MAP1A: variants seen among roughly 807,000 people sequenced by gnomAD.
The protein encoded by MAP1A is microtubule associated protein 1A, also known as microtubule-associated protein 1A.
Under a neutral mutation model 185.9 loss-of-function variants are expected in MAP1A, and 42 were observed. The observed-to-expected ratio is 0.23, with a 90% CI of 0.18 to 0.29. The LOEUF (loss-of-function observed/expected upper bound fraction) is 0.29. MAP1A is among the 10% of genes least tolerant of loss of function. The pLI, the probability that MAP1A is intolerant of heterozygous loss-of-function variation, is 1.00. For missense variants in MAP1A, 2,995 were observed against 3,450.4 expected (o/e 0.87, Z 3.31); for synonymous variants, 1,229 against 1,335.9 (o/e 0.92, Z 1.74).
chr15:43,513,188 G>A (rs538105143), upstream of MAP1A, among the ~76,000 whole-genome samples: 3 of 152,214 alleles, frequency 2.0e-5, no homozygotes, highest in South Asian at 2.1e-4. Context: ...CTAGCTGGGC[G>A]TGGTGGTGCA....
rs893806855 is a variant in MAP1A, at chr15:43,523,094, G to A, written c.1621G>A (p.Glu541Lys). 3.7e-6 allele frequency: 6 copies of A among 1,614,088 alleles called. No homozygotes were observed. Among genetic ancestry groups the A allele is most frequent in the Non-Finnish European group, 5.1e-6 (6 of 1,180,050 alleles). Residue 541 changes from glutamate (E) to lysine (K), a missense_variant, in exon 4 of 6, where the codon GAG becomes AAG. This residue lies in a region of MAP1A where 2,728 missense variants were observed against 2,986.0 expected (regional missense o/e 0.91). Coordinates refer to ENST00000300231, the MANE Select transcript of MAP1A (RefSeq NM_002373.6). The stretch of plus-strand genomic sequence containing the variant: ...ACAGGACTTTGAGGAGATGAAGCGT[G>A]AGGAGAGGGCTTTGCTGGCTGAACA... ...LTQDFEEMKR[E>K]ERALLAEQRD... is the part of the protein sequence containing the mutation.
At position 43,527,376 on chromosome 15, in the gene MAP1A, C is replaced by T. The variant is rs1251992628; in HGVS notation, c.5903C>T (p.Ala1968Val). 2 of 1,614,188 alleles carry T rather than the reference C, an allele frequency of 1.2e-6. No homozygotes were observed. The highest frequency in any genetic ancestry group is 1.7e-6 in the Non-Finnish European group (2 of 1,180,020). Residue 1968 changes from alanine to valine, a missense_variant, in exon 4 of 6, where the codon GCA (alanine) becomes GTA (valine). Physicochemically the swap from Ala to Val is moderately conservative, Grantham distance 64 (BLOSUM62 0). Around this residue, in one of 3 missense-constraint regions of MAP1A, gnomAD observed 2,728 missense variants for 2,986.0 expected, o/e 0.91. Transcript: ENST00000300231. ...CCTGATGAGAGAAGCTTTCAGTATG[C>T]AGACATCTATGAGCAGATGATGCTT... ...PYPDERSFQY[A>V]DIYEQMMLTG...
rs532379170 is a variant in MAP1A at position 43,520,047 on chromosome 15, T to C, written c.-374-594T>C. On this transcript the variant is annotated intron_variant, in intron 1 of 5. Transcript: ENST00000300231. ...CAGAAAATGAAGTTATAGTCCTATG[T>C]CCATTCTTTGAATCATAAAACCCCA... is the stretch of plus-strand genomic sequence containing the variant. Among the ~76,000 whole-genome samples the C allele has an allele frequency of 4.6e-5, 7 of 152,314 alleles. No homozygotes were observed. In the South Asian group the frequency reaches 1.2e-3, roughly 27 times the overall value.
rs1223211696 is a variant in MAP1A, at chr15:43,512,277, C to T, written c.326C>T (p.Ser109Phe). 1.9e-6 allele frequency: 3 copies of T among 1,541,684 alleles called. No individual in the cohort carries two copies. In the Admixed American group the frequency reaches 5.9e-5, roughly 30 times the overall value. ...ATTACCCGGCACCTAGCTCACTTCTCCTCAGAGGTCAAAGGTTAGGACTAA... is the reference window on the plus strand; with the variant it reads ...ATTACCCGGCACCTAGCTCACTTCTTCTCAGAGGTCAAAGGTTAGGACTAA... Residue 109 changes from serine (S) to phenylalanine (F), a missense_variant, in exon 2 of 7, where the codon TCC becomes TTC. Coordinates refer to the MAP1A transcript ENST00000382031.
In MAP1A at chr15:43,527,817, G is replaced by A. The variant is rs950160155; in HGVS notation, c.6344G>A (p.Arg2115Gln). The A allele has an allele frequency of 1.3e-5, 21 of 1,613,636 alleles. No homozygotes were observed. The highest frequency in any genetic ancestry group is 1.6e-4 in the Middle Eastern group (1 of 6,084). ...GACTCAGAACTGGAGAAGGGGGCTC[G>A]GGAACAGCCAGAAAAAGAGGCCCAA... is the stretch of plus-strand genomic sequence containing the variant. Reference protein sequence around the residue: ...TSDSELEKGAREQPEKEAQSP... With the variant: ...TSDSELEKGAQEQPEKEAQSP... Residue 2115 changes from arginine to glutamine, a missense_variant, in exon 4 of 6, where the codon CGG becomes CAG. By Grantham distance (43) the Arg-to-Gln change is conservative. Coordinates refer to ENST00000300231, the MANE Select transcript of MAP1A (RefSeq NM_002373.6).
rs1392095955 is a variant in MAP1A, at chr15:43,528,694, C to T, written c.7221C>T (p.Leu2407=). The T allele has an allele frequency of 4.3e-6, 7 of 1,613,628 alleles. No individual in the cohort carries two copies. Among genetic ancestry groups the T allele is most frequent in the Admixed American group, 3.3e-5 (2 of 59,996 alleles). ...GGAGCTCCCGGCCTGACACATTGCT[C>T]TCCCCTGAGCAGCCAGTGTGTCCTG... ...AERSSRPDTL[L]SPEQPVCPAG... The change falls in exon 4 of 6, where the codon CTC becomes CTT. Residue 2407 remains leucine, a synonymous_variant. Transcript: ENST00000300231.
Position 43,529,834 on chromosome 15 carries a change from G to C in MAP1A, c.8220G>C (p.Leu2740=). Residue 2740 remains leucine, a synonymous_variant, in exon 5 of 6, where the codon CTG becomes CTC. Coordinates refer to ENST00000300231, the MANE Select transcript of MAP1A (RefSeq NM_002373.6). The surrounding 1 kb of genome is among the most constrained non-coding windows in gnomAD (Gnocchi z 4.3). Reference sequence around the variant, plus strand: ...CAAGCCGGGCTGTGCTGGATGCCCTGCTGGAGGGCAAGGCCCAGTGGGGGG... The same window carrying C: ...CAAGCCGGGCTGTGCTGGATGCCCTCCTGGAGGGCAAGGCCCAGTGGGGGG... The part of the protein sequence containing the change: ...GEPSRAVLDA[L]LEGKAQWGEN... 6.2e-7 allele frequency: 1 copy of C among 1,613,984 alleles called. No individual in the cohort carries two copies. Among genetic ancestry groups the C allele is most frequent in the Non-Finnish European group, 8.5e-7 (1 of 1,180,042 alleles).
At chr15:43,515,492 G>A (rs772417538), upstream of MAP1A, among the ~76,000 whole-genome samples, 1 of 152,174 alleles carries the variant, frequency 6.6e-6, no homozygotes, top group Non-Finnish European at 1.5e-5. Context: ...AGTTGATCTG[G>A]TCTGAGATCC....
chr15:43,529,506 CAAGT>C lies in MAP1A; in HGVS notation c.8035+4_8035+7del. 1 of 1,603,034 alleles carries C rather than the reference CAAGT, an allele frequency of 6.2e-7. No individual in the cohort carries two copies. Among genetic ancestry groups the C allele is most frequent in the Non-Finnish European group, 8.5e-7 (1 of 1,173,038 alleles). On this transcript the variant is annotated splice_donor_variant and coding_sequence_variant, in exon 4 of 6. Transcript: ENST00000300231. LOFTEE classifies it high-confidence loss of function. This position sits in a 1 kb window ranked among gnomAD's most constrained non-coding sequence, Gnocchi z 4.3. The stretch of plus-strand genomic sequence containing the variant: ...CTAGTCAATGGACTCAAGGCAGGAC[CAAGT>C]AAGTATATCATGAAACTTGGCAGAG...
Position 43,522,651 on chromosome 15 carries a change from G to A in MAP1A, c.1178G>A (p.Arg393Gln), listed in dbSNP as rs751944758. The change falls in exon 4 of 6, where the codon CGA becomes CAA. Residue 393 changes from arginine to glutamine, a missense_variant. By Grantham distance (43) the Arg-to-Gln change is conservative (BLOSUM62 1). Transcript: ENST00000300231. This position sits in a 1 kb window ranked among gnomAD's most constrained non-coding sequence, Gnocchi z 5.9. ...AGTGAGGCACTGAAGGCAGAGAAGCGAAAGCTGATCAAAGACAAGGTAGGG... is the reference window on the plus strand; with the variant it reads ...AGTGAGGCACTGAAGGCAGAGAAGCAAAAGCTGATCAAAGACAAGGTAGGG... The part of the protein sequence containing the change: ...ESSEALKAEK[R>Q]KLIKDKVGKK... 14 of 1,612,366 alleles carry A rather than the reference G, an allele frequency of 8.7e-6. No individual in the cohort carries two copies. The highest frequency in any genetic ancestry group is 3.3e-4 in the Middle Eastern group (2 of 6,082).
chr15:43,521,200 T>C lies in MAP1A; in HGVS notation c.-151+88T>C. On this transcript the variant is annotated intron_variant, in intron 3 of 5. Transcript: ENST00000300231. This position sits in a 1 kb window ranked among gnomAD's most constrained non-coding sequence, Gnocchi z 4.6. ...GGGAAAGTCTCATATTGCATGACCA[T>C]GGGGGGCCCTGGCAGAAAGGTAAGA... 1 of 1,475,302 alleles carries C rather than the reference T, an allele frequency of 6.8e-7. No homozygotes were observed. The highest frequency in any genetic ancestry group is 9.0e-7 in the Non-Finnish European group (1 of 1,116,260). The allele number at this position is 1,475,302 out of a possible 1,614,324, so 91.4% of individuals were successfully genotyped here.
chr15:43,523,518 A>G lies in MAP1A; in HGVS notation c.2045A>G (p.Gln682Arg). The change falls in exon 4 of 6, where the codon CAA (glutamine) becomes CGA (arginine). Residue 682 changes from glutamine to arginine, a missense_variant. Physicochemically the swap from Gln to Arg is conservative, Grantham distance 43. This residue lies in a region of MAP1A where 2,728 missense variants were observed against 2,986.0 expected (regional missense o/e 0.91). Coordinates refer to ENST00000300231, the MANE Select transcript of MAP1A (RefSeq NM_002373.6). ...EDATKAEGFY[Q>R]KHMQEPLKVT... ...GCGACAAAAGCTGAGGGTTTTTACC[A>G]AAAACATATGCAGGAACCCTTGAAG... is the stretch of plus-strand genomic sequence containing the variant. The G allele has an allele frequency of 6.2e-7, 1 of 1,614,140 alleles. No homozygotes were observed. The highest frequency in any genetic ancestry group is 8.5e-7 in the Non-Finnish European group (1 of 1,180,002).
rs1430089153 is a variant in MAP1A, at chr15:43,521,121, C to T, written c.-151+9C>T. The T allele has an allele frequency of 3.9e-6, 6 of 1,543,168 alleles. No homozygotes were observed. The highest frequency in any genetic ancestry group is 2.0e-5 in the Admixed American group (1 of 50,750). ...TCCTTCACAACCCCGAGGTAAGTTC[C>T]ATGCCAGAGTGTCTGGGAGAAAGGG... On this transcript the variant is annotated intron_variant, in intron 3 of 5. Coordinates refer to ENST00000300231, the MANE Select transcript of MAP1A (RefSeq NM_002373.6). The surrounding 1 kb of genome is among the most constrained non-coding windows in gnomAD (Gnocchi z 4.6).
rs758664345 is a variant in MAP1A, at chr15:43,529,415, C to T, written c.7942C>T (p.Arg2648Cys). 29 of 1,613,874 alleles carry T rather than the reference C, an allele frequency of 1.8e-5. No individual in the cohort carries two copies. In the Middle Eastern group the frequency reaches 6.6e-4, roughly 37 times the overall value. ...DRASRAPPRP[R>C]STTSQVTPAE... is the part of the protein sequence containing the mutation. ...AGCATCCCGGGCCCCACCTCGACCA[C>T]GCAGCACCACAAGCCAGGTCACCCC... The change falls in exon 4 of 6, where the codon CGC becomes TGC. Residue 2648 changes from arginine to cysteine, a missense_variant. Transcript: ENST00000300231. This position sits in a 1 kb window ranked among gnomAD's most constrained non-coding sequence, Gnocchi z 4.3.
In MAP1A at chr15:43,528,362, G is replaced by T. The variant is rs761914501; in HGVS notation, c.6889G>T (p.Ala2297Ser). ...GCTGGACCCAGGAATGGAACCAGCTGCCCACAGCCTCTGGGACCTCACTCC... is the reference window on the plus strand; with the variant it reads ...GCTGGACCCAGGAATGGAACCAGCTTCCCACAGCCTCTGGGACCTCACTCC... The part of the protein sequence containing the change: ...GELDPGMEPA[A>S]HSLWDLTPLS... Residue 2297 changes from alanine (A) to serine (S), a missense_variant, in exon 4 of 6, where the codon GCC (alanine) becomes TCC (serine). Around this residue, in one of 3 missense-constraint regions of MAP1A, gnomAD observed 2,728 missense variants for 2,986.0 expected, o/e 0.91. Transcript: ENST00000300231. The T allele has an allele frequency of 1.2e-6, 2 of 1,613,886 alleles. No individual in the cohort carries two copies. Among genetic ancestry groups the T allele is most frequent in the Non-Finnish European group, 1.7e-6 (2 of 1,180,034 alleles).
rs771258942 is a variant in MAP1A, at chr15:43,528,142, C to T, written c.6669C>T (p.Ala2223=). ...RHDEYLEVTK[A]PSLDSSLPQL... ...ATGAATACCTGGAAGTGACCAAGGC[C>T]CCCAGCCTGGATTCCTCACTGCCCC... The change falls in exon 4 of 6, where the codon GCC becomes GCT. Residue 2223 remains alanine, a synonymous_variant. Transcript: ENST00000300231. The T allele has an allele frequency of 5.0e-6, 8 of 1,614,108 alleles. No individual in the cohort carries two copies. Among genetic ancestry groups the T allele is most frequent in the Non-Finnish European group, 6.8e-6 (8 of 1,180,010 alleles).
upstream of MAP1A, among the ~76,000 whole-genome samples, chr15:43,514,788 G>A (rs2079292456): frequency 6.6e-6 from 1 of 152,222 alleles, no homozygotes; most frequent in African/African-American, 2.4e-5. Flanking sequence ...GATCTTCCGA[G>A]CATTCTAATA....
At position 43,530,149 on chromosome 15, in the gene MAP1A, T is replaced by C. The variant is rs1433584632; in HGVS notation, c.8337T>C (p.Asn2779=). ...CTCATGAGCAGCAGCAACAACTGAA[T>C]GTCCTGGTCCTGGCTAGCAGCAGCA... The part of the protein sequence containing the change: ...QQTHEQQQQL[N]VLVLASSSTV... The change falls in exon 6 of 6, where the codon AAT becomes AAC. Residue 2779 remains asparagine, a synonymous_variant. Transcript: ENST00000300231. The C allele has an allele frequency of 6.2e-7, 1 of 1,614,082 alleles. No individual in the cohort carries two copies. The highest frequency in any genetic ancestry group is 8.5e-7 in the Non-Finnish European group (1 of 1,180,044).
intron 1 of MAP1A, 63 bp from the exon 2 acceptor site, chr15:43,520,578 T>G: frequency 9.2e-7 from 1 of 1,092,852 alleles, no homozygotes; most frequent in South Asian, 1.3e-5. Flanking sequence ...GCACATTCTT[T>G]CCTCTCCTGC....
Sources: gnomAD v4.1 joint callset for allele counts (sites outside exome capture counted in the v4.1 genomes callset) on GRCh38, gnomAD v4.1.1 for gene constraint, gnomAD v4.1.1 regional missense constraint, Gnocchi (gnomAD v3.1) non-coding constraint, MANE v1.5 for transcripts, NCBI Gene and HGNC (gene_info 2026-07-23, HGNC 2026-07-21) for gene names.